The following PTGER3 variants were observed in gnomAD, a reference collection of about 807,000 sequenced individuals.
The protein encoded by PTGER3 is prostaglandin E2 receptor EP3 subtype.
Under a neutral mutation model 34.7 loss-of-function variants are expected in PTGER3, and 22 were observed. The ratio of observed to expected loss-of-function variants is 0.63; its 90% CI spans 0.45 to 0.91. The LOEUF is 0.91. PTGER3 is among the 40% of genes least tolerant of loss of function. PTGER3 has a pLI of 0.00. For synonymous variants in PTGER3, 241 were observed against 230.1 expected, an observed-to-expected ratio of 1.05 and a Z score of -0.43; for missense variants, 468 against 519.4, an observed-to-expected ratio of 0.90 and a Z score of 0.96.
chr1:70,975,129 A>C (rs1653555152), intron 2 of PTGER3, among the ~76,000 whole-genome samples: 1 of 152,102 alleles, frequency 6.6e-6, no homozygotes, highest in Non-Finnish European at 1.5e-5. Context: ...TTATTTATTG[A>C]TGTGTCATTG....
chr1:70,921,521 T>C (rs561420795), intron 4 of PTGER3, among the ~76,000 whole-genome samples: 1 of 152,244 alleles, frequency 6.6e-6, no homozygotes, highest in Admixed American at 6.5e-5. Context: ...TTGTGGGTCT[T>C]TCTGTATTGT....
intron 4 of PTGER3, among the ~76,000 whole-genome samples, chr1:70,886,893 C>A (rs978289814): frequency 4.6e-5 from 7 of 152,084 alleles, no homozygotes; most frequent in African/African-American, 1.2e-4. Context: ...TTTGTTTGAC[C>A]CCATTGACCC....
intron 1 of PTGER3, among the ~76,000 whole-genome samples, chr1:71,018,157 C>A (rs369342051): frequency 6.6e-6 from 1 of 151,958 alleles, no homozygotes; most frequent in African/African-American, 2.4e-5. Context: ...AACAAATATG[C>A]CCACACACTG....
At chr1:70,888,080 T>C (rs890572432) in intron 4 of PTGER3, among the ~76,000 whole-genome samples, 4 of 152,232 alleles carry the variant, frequency 2.6e-5, no homozygotes, top group Non-Finnish European at 4.4e-5. Context: ...GAGTACCATG[T>C]ACACTAGCAA....
chr1:70,901,435 C>T (rs950821731), intron 4 of PTGER3, among the ~76,000 whole-genome samples: 6 of 152,060 alleles, frequency 3.9e-5, no homozygotes, highest in African/African-American at 9.7e-5. Context: ...CATACTACCA[C>T]GAAATTAAGT....
At chr1:71,019,462 CAGTAAT>C (rs770819240) in intron 1 of PTGER3, among the ~76,000 whole-genome samples, 7 of 152,154 alleles carry the variant, frequency 4.6e-5, no homozygotes, top group Non-Finnish European at 7.4e-5. Flanking sequence ...TGGTTATCAG[CAGTAAT>C]AGAGAGCTTC....
chr1:70,971,842 T>TA, intron 3 of PTGER3, 109 bp from the exon 4 acceptor site: 1 of 711,144 alleles, frequency 1.4e-6, no homozygotes, highest in South Asian at 2.7e-5. Flanking sequence ...TTGTTTGCTT[T>TA]AAACGTTTAA....
At chr1:70,861,733 A>G (rs1042803606) in intron 4 of PTGER3, among the ~76,000 whole-genome samples, 58 of 151,942 alleles carry the variant, frequency 3.8e-4, no homozygotes, top group Admixed American at 3.7e-3. Context: ...TCTGTATGGT[A>G]TCTGCAGCTT....
At chr1:71,015,205 T>TTGTG (rs140322473) in intron 1 of PTGER3, among the ~76,000 whole-genome samples, 19 of 151,082 alleles carry the variant, frequency 1.3e-4, no homozygotes, top group Admixed American at 8.6e-4. Context: ...AGGCCTACAA[T>TTGTG]TGTGTGTGTG....
At chr1:70,992,999 AT>A (rs1238266785) in intron 2 of PTGER3, among the ~76,000 whole-genome samples, 1 of 152,206 alleles carries the variant, frequency 6.6e-6, no homozygotes, top group African/African-American at 2.4e-5. Flanking sequence ...AATAAATTCA[AT>A]TAACCTTGTT....
At chr1:70,889,319 G>A (rs1453503639) in intron 4 of PTGER3, among the ~76,000 whole-genome samples, 1 of 150,780 alleles carries the variant, frequency 6.6e-6, no homozygotes, top group Non-Finnish European at 1.5e-5. Context: ...GGAGGCTGAG[G>A]CAGGAGAATG....
In PTGER3 at chr1:70,889,448, T is replaced by G. The variant is rs1231014677; in HGVS notation, c.*24-36589A>C. Among the ~76,000 whole-genome samples, 4 of 151,194 alleles carry G rather than the reference T, an allele frequency of 2.6e-5. No homozygotes were observed. In the East Asian group the frequency reaches 7.8e-4, roughly 29 times the overall value. The stretch of plus-strand genomic sequence containing the variant: ...AAAAAAAAAAAAAGATTGTTCTCTG[T>G]TTTTGTTGGCTTATGTTTTATTTAT... On this transcript the variant is annotated intron_variant, in intron 4 of 4. Coordinates refer to the PTGER3 transcript ENST00000370931.
rs6686982 is a variant in PTGER3, at chr1:70,873,650, C to G, written c.*24-20791G>C. On this transcript the variant is annotated intron_variant, in intron 4 of 4. Transcript: ENST00000370931. ...TTCTTTAGTGGCGATATGTGAGGTGCTTTTTTTTTTTTTTTGAGACAGAGT... is the reference window on the plus strand; with the variant it reads ...TTCTTTAGTGGCGATATGTGAGGTGGTTTTTTTTTTTTTTTGAGACAGAGT... Among the ~76,000 whole-genome samples the G allele has an allele frequency of 2.2e-5, 3 of 135,600 alleles. No homozygotes were observed. The South Asian group carries it at 7.0e-4, about 32-fold the overall frequency. 89.0% of individuals were successfully genotyped at this position (135,600 alleles called of 152,430 possible). A position where few individuals can be genotyped will look rare whatever the true frequency, so the allele number is the denominator to read the frequency against.
At chr1:70,983,016 T>C (rs1654537262) in intron 2 of PTGER3, among the ~76,000 whole-genome samples, 1 of 152,012 alleles carries the variant, frequency 6.6e-6, no homozygotes, top group South Asian at 2.1e-4. Context: ...ACTAAGTGAA[T>C]AAGGAGCTTT....
Position 70,856,379 on chromosome 1 carries a change from G to T in PTGER3, c.*24-3520C>A, listed in dbSNP as rs78340497. Among the ~76,000 whole-genome samples, 3 of 148,980 alleles carry T rather than the reference G, an allele frequency of 2.0e-5. No individual in the cohort carries two copies. In the East Asian group the frequency reaches 5.9e-4, roughly 30 times the overall value. ...CATTTGAGCCGCTGAGGTGGAAGTT[G>T]CAGTGAGTCGATATTGCACCATTGC... is the stretch of plus-strand genomic sequence containing the variant. On this transcript the variant is annotated intron_variant, in intron 4 of 4. Transcript: ENST00000370931.
chr1:71,007,139 G>A (rs1657037872), intron 2 of PTGER3: 15 of 985,664 alleles, frequency 1.5e-5, no homozygotes, highest in Non-Finnish European at 1.8e-5. Flanking sequence ...ATGCTGAGGA[G>A]GAGAGGTGAA....
intron 2 of PTGER3, among the ~76,000 whole-genome samples, chr1:70,975,393 C>G (rs1653587470): frequency 6.6e-6 from 1 of 151,894 alleles, no homozygotes; most frequent in East Asian, 1.9e-4. Flanking sequence ...CAGTAATTGT[C>G]TTATAAGAAA....
At chr1:70,956,595 A>T (rs969829926) in intron 2 of PTGER3, among the ~76,000 whole-genome samples, 3 of 152,226 alleles carry the variant, frequency 2.0e-5, no homozygotes, top group African/African-American at 7.2e-5. Context: ...GTTCTGAATG[A>T]TCATGAACTG....
At position 70,996,435 on chromosome 1, in the gene PTGER3, C is replaced by G. The variant is rs1211911926; in HGVS notation, c.1077+15870G>C. Among the ~76,000 whole-genome samples, 3 of 151,862 alleles carry G rather than the reference C, an allele frequency of 2.0e-5. No homozygotes were observed. The East Asian group carries it at 5.8e-4, about 29-fold the overall frequency. ...TTATAATTATTTTAAACTTTAAAAT[C>G]TTCCCTAAACATTTACTGAATCATT... On this transcript the variant is annotated intron_variant, in intron 2 of 3. Transcript: ENST00000306666.
Sources: allele counts gnomAD v4.1 joint callset (sites outside exome capture counted in the v4.1 genomes callset), GRCh38; gene constraint gnomAD v4.1.1; transcripts MANE v1.5; gene names NCBI Gene and HGNC (gene_info 2026-07-23, HGNC 2026-07-21).